BTBD9: variants seen among roughly 807,000 people sequenced by gnomAD.
The protein encoded by BTBD9 is BTB/POZ domain-containing protein 9.
A neutral mutation model predicts 64.3 loss-of-function variants in BTBD9; 49 were observed. That is an observed-to-expected ratio of 0.76 (90% CI 0.61 to 0.97). The LOEUF is 0.97. Ranked by LOEUF, BTBD9 falls within the 50% of genes least tolerant of loss-of-function variation. BTBD9 has a pLI of 0.00. For synonymous variants in BTBD9, 260 were observed against 274.7 expected, an observed-to-expected ratio of 0.95 and a Z score of 0.53; for missense variants, 598 against 762.1, an observed-to-expected ratio of 0.78 and a Z score of 2.53.
intron 6 of BTBD9, among the ~76,000 whole-genome samples, chr6:38,424,895 GTGGCACGATAT>G (rs1448607633): frequency 6.6e-6 from 1 of 151,818 alleles, no homozygotes; most frequent in African/African-American, 2.4e-5. Flanking sequence ...TTGGAGTGCA[GTGGCACGATAT>G]CGGCTTACTG....
intron 6 of BTBD9, among the ~76,000 whole-genome samples, chr6:38,426,384 A>G (rs1768149328): frequency 6.6e-6 from 1 of 151,904 alleles, no homozygotes; most frequent in Non-Finnish European, 1.5e-5. Flanking sequence ...CAGGCATTCG[A>G]GCGGGCAACG....
At chr6:38,362,033 T>C (rs917343056) in intron 6 of BTBD9, among the ~76,000 whole-genome samples, 2 of 152,324 alleles carry the variant, frequency 1.3e-5, no homozygotes, top group African/African-American at 4.8e-5. Context: ...GCTACTTCTA[T>C]CATATGCTCT....
rs577079865 is a variant in BTBD9 at position 38,400,531 on chromosome 6, C to T, written c.1155-55438G>A. On this transcript the variant is annotated intron_variant, in intron 6 of 10. Transcript: ENST00000481247. ...ATTAACCACCCTTTCTCCCCAAAAG[C>T]CTTCTTTCCTCCGCCTTTTGTAACA... Among the ~76,000 whole-genome samples the T allele has an allele frequency of 3.9e-5, 6 of 152,292 alleles. No individual in the cohort carries two copies. The East Asian group carries it at 7.7e-4, about 20-fold the overall frequency.
At chr6:38,497,621 G>A (rs1041880250) in intron 6 of BTBD9, among the ~76,000 whole-genome samples, 7 of 152,134 alleles carry the variant, frequency 4.6e-5, no homozygotes, top group Non-Finnish European at 7.3e-5. Context: ...GAGCAGAAAA[G>A]ATGAAAGGGA....
In BTBD9 at chr6:38,170,198, T is replaced by C. The variant is rs1308755942; in HGVS notation, c.*4787A>G. 6.6e-6 allele frequency: 1 copy of C among 152,212 alleles called. No homozygotes were observed. The highest frequency in any genetic ancestry group is 1.5e-5 in the Non-Finnish European group (1 of 68,058). 9.4% of individuals were successfully genotyped at this position (152,212 alleles called of 1,614,324 possible). On this transcript the variant is annotated 3_prime_UTR_variant, in exon 11 of 11. Coordinates refer to ENST00000481247, the MANE Select transcript of BTBD9 (RefSeq NM_001099272.2). The stretch of plus-strand genomic sequence containing the variant: ...TTTTTTAAGTGAGTAAAGAGAACAG[T>C]GATTTTCAAACAATGGTGTGTCGGG...
At chr6:38,603,188 A>G (rs974492396) in intron 1 of BTBD9, among the ~76,000 whole-genome samples, 9 of 152,176 alleles carry the variant, frequency 5.9e-5, no homozygotes, top group African/African-American at 1.9e-4. Context: ...GAATATCTCA[A>G]CTAGGAAATG....
At chr6:38,295,963 G>A (rs935305224) in intron 7 of BTBD9, among the ~76,000 whole-genome samples, 11 of 152,084 alleles carry the variant, frequency 7.2e-5, no homozygotes, top group Non-Finnish European at 1.5e-4. Context: ...CAGGAGAATC[G>A]CTTGAACTTG....
rs1020611386 is a variant in BTBD9, at chr6:38,171,523, A to G, written c.*3462T>C. 1 of 150,572 alleles carries G rather than the reference A, an allele frequency of 6.6e-6. No individual in the cohort carries two copies. The highest frequency in any genetic ancestry group is 2.5e-5 in the African/African-American group (1 of 40,718). 9.3% of individuals were successfully genotyped at this position (150,572 alleles called of 1,614,324 possible). A position where few individuals can be genotyped will look rare whatever the true frequency, so the allele number is the denominator to read the frequency against. ...TTCTAACTAAAATCAAAGGAATGAAAGCAGAAAAAGCACTGAGAAAATGGT... is the reference window on the plus strand; with the variant it reads ...TTCTAACTAAAATCAAAGGAATGAAGGCAGAAAAAGCACTGAGAAAATGGT... On this transcript the variant is annotated 3_prime_UTR_variant, in exon 11 of 11. Coordinates refer to ENST00000481247, the MANE Select transcript of BTBD9 (RefSeq NM_001099272.2).
intron 6 of BTBD9, chr6:38,504,609 A>G (rs932525725): frequency 1.3e-5 from 6 of 456,286 alleles, no homozygotes; most frequent in Non-Finnish European, 2.6e-5. Context: ...GAAGTTATTA[A>G]CAATATAGTT....
intron 7 of BTBD9, among the ~76,000 whole-genome samples, chr6:38,324,715 G>C (rs1366464693): frequency 1.3e-5 from 2 of 152,192 alleles, no homozygotes; most frequent in African/African-American, 2.4e-5. Context: ...GGCCCTGGGA[G>C]TATGAACTGA....
intron 6 of BTBD9, among the ~76,000 whole-genome samples, chr6:38,496,867 C>T (rs1037862968): frequency 1.3e-5 from 2 of 152,170 alleles, no homozygotes; most frequent in Non-Finnish European, 2.9e-5. Context: ...CATGCCTTCC[C>T]TTGCTACGTT....
intron 6 of BTBD9, among the ~76,000 whole-genome samples, chr6:38,543,733 G>A (rs111847338): frequency 0.066 from 10,098 of 152,094 alleles, 450 homozygotes; most frequent in Non-Finnish European, 0.1. Flanking sequence ...CGAGACGGGC[G>A]GATCACGAGG....
chr6:38,304,870 A>G (rs1762567893), intron 7 of BTBD9, among the ~76,000 whole-genome samples: 1 of 152,226 alleles, frequency 6.6e-6, no homozygotes, highest in Non-Finnish European at 1.5e-5. Flanking sequence ...AATCACCAAG[A>G]TGAGGCAATC....
Position 38,388,321 on chromosome 6 carries a change from T to A in BTBD9, c.1155-43228A>T, listed in dbSNP as rs191966611. Among the ~76,000 whole-genome samples, 421 of 152,262 alleles carry A rather than the reference T, an allele frequency of 2.8e-3. 3 individuals carry two copies. The highest frequency in any genetic ancestry group is 3.3e-3 in the Non-Finnish European group (227 of 68,014). On this transcript the variant is annotated intron_variant, in intron 6 of 10. Coordinates refer to ENST00000481247, the MANE Select transcript of BTBD9 (RefSeq NM_001099272.2). ...TTGTTGGTAACTATGGCCCCTCTCC[T>A]ATTTGACTTGTACAGTAACAGCAGC... is the stretch of plus-strand genomic sequence containing the variant.
intron 6 of BTBD9, among the ~76,000 whole-genome samples, chr6:38,449,740 A>AT (rs1249135509): frequency 6.6e-6 from 1 of 151,924 alleles, no homozygotes; most frequent in Non-Finnish European, 1.5e-5. Context: ...CCTCATCTCT[A>AT]TTTTTTTAAA....
At chr6:38,620,666 T>C (rs1269044135) in intron 1 of BTBD9, among the ~76,000 whole-genome samples, 1 of 152,130 alleles carries the variant, frequency 6.6e-6, no homozygotes, top group African/African-American at 2.4e-5. Context: ...ACAAGTCAAA[T>C]ATCTAGACCT....
At chr6:38,177,913 T>C (rs557562756) in intron 10 of BTBD9, among the ~76,000 whole-genome samples, 1 of 152,352 alleles carries the variant, frequency 6.6e-6, no homozygotes, top group Admixed American at 6.5e-5. Flanking sequence ...AAAGAACTCC[T>C]AACTATCTCT....
chr6:38,301,181 G>A (rs1762386171), intron 7 of BTBD9, among the ~76,000 whole-genome samples: 1 of 152,114 alleles, frequency 6.6e-6, no homozygotes, highest in South Asian at 2.1e-4. Flanking sequence ...TTCGTATGTT[G>A]AACCAGCCTT....
At chr6:38,261,321 A>T (rs1309366495) in intron 8 of BTBD9, among the ~76,000 whole-genome samples, 1 of 152,182 alleles carries the variant, frequency 6.6e-6, no homozygotes, top group Non-Finnish European at 1.5e-5. Context: ...CAGGGCATAT[A>T]ACATCTTGAG....
Sources: allele counts gnomAD v4.1 joint callset (sites outside exome capture counted in the v4.1 genomes callset), GRCh38; gene constraint gnomAD v4.1.1; transcripts MANE v1.5; gene names NCBI Gene and HGNC (gene_info 2026-07-23, HGNC 2026-07-21).